The following COL11A1 variants were observed in gnomAD, a reference collection of about 807,000 sequenced individuals.
COL11A1 encodes the protein collagen type XI alpha 1 chain, also known as collagen alpha-1(XI) chain.
A neutral mutation model predicts 265.2 loss-of-function variants in COL11A1; 74 were observed. That is an observed-to-expected ratio of 0.28 (90% CI 0.23 to 0.34). The LOEUF is 0.34. Ranked by LOEUF, COL11A1 falls within the 10% of genes least tolerant of loss-of-function variation. The probability of loss-of-function intolerance (pLI) is 1.00; values close to 1 mark genes in which losing one functional copy is unlikely to be tolerated. For synonymous variants in COL11A1, 816 were observed against 727.6 expected (o/e 1.12, Z -1.96); for missense variants, 2,165 against 2,263.6 (o/e 0.96, Z 0.88).
At chr1:103,096,233 G>A (rs1673753032) in intron 1 of COL11A1, among the ~76,000 whole-genome samples, 1 of 151,990 alleles carries the variant, frequency 6.6e-6, no homozygotes, top group African/African-American at 2.4e-5. Context: ...AGGCGGCAGT[G>A]AGGAAGTAAC....
intron 36 of COL11A1, 105 bp downstream of exon 36, chr1:102,974,725 G>C: frequency 1.2e-6 from 1 of 834,980 alleles, no homozygotes; most frequent in Non-Finnish European, 1.9e-6. Flanking sequence ...ATTTTACAGA[G>C]ATTTTATCAA....
intron 43 of COL11A1, among the ~76,000 whole-genome samples, 194 bp from the exon 44 acceptor site, chr1:102,939,282 C>T (rs1011833945): frequency 4.6e-5 from 7 of 152,026 alleles, no homozygotes; most frequent in South Asian, 2.1e-4. Flanking sequence ...CAGACAAGTC[C>T]GTTTAACTTC....
chr1:102,928,535 G>A (rs1315575212), intron 46 of COL11A1, among the ~76,000 whole-genome samples: 5 of 152,088 alleles, frequency 3.3e-5, no homozygotes, highest in African/African-American at 1.2e-4. Flanking sequence ...AGTCTTTGCT[G>A]TTGTCAATAG....
intron 66 of COL11A1, among the ~76,000 whole-genome samples, chr1:102,878,475 C>CATGTATAT (rs1553191039): frequency 2.0e-5 from 1 of 49,862 alleles, no homozygotes; most frequent in Non-Finnish European, 4.4e-5. Flanking sequence ...ATTGAATCCT[C>CATGTATAT]ATATATATAT....
chr1:103,049,869 C>T (rs975819960), intron 4 of COL11A1, among the ~76,000 whole-genome samples: 4 of 152,034 alleles, frequency 2.6e-5, no homozygotes, highest in African/African-American at 4.8e-5. Context: ...AGCTTTGATT[C>T]GCTGGAAATG....
At chr1:103,054,871 A>G (rs9701540) in intron 4 of COL11A1, among the ~76,000 whole-genome samples, 137,828 of 152,136 alleles carry the variant, frequency 0.91, 63,155 homozygotes, top group East Asian at 1. Flanking sequence ...ATTGCACTCC[A>G]GCCTGGGCAA....
At chr1:102,982,145 T>C (rs2101701522) in intron 31 of COL11A1, among the ~76,000 whole-genome samples, 1 of 151,920 alleles carries the variant, frequency 6.6e-6, no homozygotes, top group African/African-American at 2.4e-5. Context: ...AGAGAAGCAA[T>C]ATGAAGAAAT....
At chr1:103,027,399 ATATATATATAT>A (rs1667613196) in intron 5 of COL11A1, among the ~76,000 whole-genome samples, 8 of 17,998 alleles carry the variant, frequency 4.4e-4, no homozygotes, top group Non-Finnish European at 7.9e-4. Flanking sequence ...AAACTCTAAT[ATATATATATAT>A]ATATATATAT....
chr1:102,945,353 A>G (rs1225395399), intron 42 of COL11A1, among the ~76,000 whole-genome samples: 2 of 150,200 alleles, frequency 1.3e-5, no homozygotes, highest in African/African-American at 4.9e-5. Context: ...ATGTGGCCCC[A>G]CTATCTTGGA....
chr1:102,964,864 A>T (rs529761794), intron 38 of COL11A1, among the ~76,000 whole-genome samples: 5 of 152,284 alleles, frequency 3.3e-5, no homozygotes, highest in African/African-American at 1.2e-4. Flanking sequence ...TTCTATTACC[A>T]TGAATTACTC....
chr1:102,886,768 G>C (rs777652621), intron 63 of COL11A1, 39 bp downstream of exon 63: 9 of 1,613,198 alleles, frequency 5.6e-6, no homozygotes, highest in Admixed American at 3.3e-5. Flanking sequence ...GAAACTCAGG[G>C]GCTCGGTACA....
intron 29 of COL11A1, among the ~76,000 whole-genome samples, chr1:102,988,480 C>A (rs1257478175): frequency 2.0e-5 from 3 of 152,124 alleles, no homozygotes; most frequent in Non-Finnish European, 4.4e-5. Context: ...GGGCAGCAGG[C>A]AAGATAAACC....
At chr1:103,046,135 C>G (rs6678609) in intron 4 of COL11A1, among the ~76,000 whole-genome samples, 148,338 of 151,414 alleles carry the variant, frequency 0.98, 72,739 homozygotes, top group East Asian at 1. Flanking sequence ...TATACACCCA[C>G]TAATGGGATG....
At chr1:102,898,898 A>G (rs1652796588) in intron 55 of COL11A1, 43 bp downstream of exon 55, 1 of 1,004,768 alleles carries the variant, frequency 1.0e-6, no homozygotes, top group Non-Finnish European at 1.3e-6. Context: ...CCTTGTATAT[A>G]TAATATATAA....
At chr1:102,967,361 C>A (rs2101608960) in intron 37 of COL11A1, among the ~76,000 whole-genome samples, 1 of 145,608 alleles carries the variant, frequency 6.9e-6, no homozygotes, top group East Asian at 2.2e-4. Flanking sequence ...CTGCTTCAGC[C>A]TCCAGAGTAG....
At chr1:103,035,958 C>T (rs2102020018) in intron 4 of COL11A1, among the ~76,000 whole-genome samples, 1 of 151,398 alleles carries the variant, frequency 6.6e-6, no homozygotes, top group South Asian at 2.1e-4. Flanking sequence ...CTGAACAATT[C>T]AGAACACTGA....
Position 102,946,892 on chromosome 1 carries a change from C to G in COL11A1, c.3233G>C (p.Gly1078Ala). The change falls in exon 42 of 67, where the codon GGA becomes GCA. Residue 1078 changes from glycine (G) to alanine (A), a missense_variant. Coordinates refer to ENST00000370096, the MANE Select transcript of COL11A1 (RefSeq NM_001854.4). Reference protein sequence around the residue: ...AGPIGLPGRPGPQGPPGPAGE... With the variant: ...AGPIGLPGRPAPQGPPGPAGE... ...AGCTGGACCAGGAGGACCCTGAGGT[C>G]CCGGGCGCCCTGGTAAACCAATTGG... The G allele has an allele frequency of 1.9e-6, 3 of 1,613,674 alleles. 1 individual carries two copies. The highest frequency in any genetic ancestry group is 2.2e-5 in the South Asian group (2 of 90,952).
chr1:103,081,183 T>C (rs993946482), intron 2 of COL11A1, among the ~76,000 whole-genome samples: 1 of 151,850 alleles, frequency 6.6e-6, no homozygotes, highest in African/African-American at 2.4e-5. Flanking sequence ...AAATTAGTTA[T>C]ATAAAATTAA....
chr1:102,924,390 T>G (rs2101094694), intron 46 of COL11A1, among the ~76,000 whole-genome samples: 1 of 152,352 alleles, frequency 6.6e-6, no homozygotes, highest in African/African-American at 2.4e-5. Flanking sequence ...TGACTACTTA[T>G]TTGATCTTCC....
Sources: allele counts gnomAD v4.1 joint callset (sites outside exome capture counted in the v4.1 genomes callset), GRCh38; gene constraint gnomAD v4.1.1; transcripts MANE v1.5; gene names NCBI Gene and HGNC (gene_info 2026-07-23, HGNC 2026-07-21).